RIC1: variants seen among roughly 807,000 people sequenced by gnomAD.
RIC1 encodes RIC1 partner of RAB6A GEF complex.
Under a neutral mutation model 169.0 loss-of-function variants are expected in RIC1, and 88 were observed. The observed-to-expected ratio is 0.52, with a 90% CI of 0.44 to 0.62. RIC1 has a LOEUF of 0.62. Among genes scored for constraint, RIC1 ranks in the 20% least tolerant of loss-of-function variants. RIC1 has a pLI of 0.00. For synonymous variants in RIC1, 790 were observed against 601.5 expected (o/e 1.31, Z -4.59); for missense variants, 1,877 against 1,725.5 (o/e 1.09, Z -1.56).
At chr9:5,725,491 G>A (rs4740824) in intron 6 of RIC1, among the ~76,000 whole-genome samples, 65,299 of 151,832 alleles carry the variant, frequency 0.43, 15,302 homozygotes, top group East Asian at 0.85. Flanking sequence ...AATTTCGTCA[G>A]TCTTTTCAAA....
intron 12 of RIC1, among the ~76,000 whole-genome samples, chr9:5,749,304 C>T (rs1825581406): frequency 6.6e-6 from 1 of 152,196 alleles, no homozygotes; most frequent in African/African-American, 2.4e-5. Flanking sequence ...CCCTGTATTT[C>T]GCTGGCACTC....
intron 3 of RIC1, among the ~76,000 whole-genome samples, chr9:5,700,260 G>A (rs1822135496): frequency 6.6e-6 from 1 of 152,082 alleles, no homozygotes; most frequent in South Asian, 2.1e-4. Context: ...ATCTCAAATA[G>A]ATAGAAATTT....
At chr9:5,778,500 A>AAAT (rs375222283), downstream of RIC1, among the ~76,000 whole-genome samples, 8 of 152,278 alleles carry the variant, frequency 5.3e-5, no homozygotes, top group East Asian at 1.5e-3. Context: ...ATCACTAATT[A>AAAT]TGATGCTAGC....
At chr9:5,754,749 G>C in intron 14 of RIC1, 92 bp from the exon 15 acceptor site, 1 of 725,568 alleles carries the variant, frequency 1.4e-6, no homozygotes, top group Non-Finnish European at 2.2e-6. Context: ...AATAATTTGA[G>C]CTTTGTCTGG....
intron 2 of RIC1, among the ~76,000 whole-genome samples, chr9:5,666,541 T>G (rs1485502160): frequency 6.6e-6 from 1 of 152,200 alleles, no homozygotes; most frequent in African/African-American, 2.4e-5. Context: ...ATGGTCTTTA[T>G]TATGTTGAGG....
Position 5,774,048 on chromosome 9 carries a change from C to T in RIC1, c.4074C>T (p.Phe1358=), listed in dbSNP as rs1160250462. Residue 1358 remains phenylalanine (F), a synonymous_variant, in exon 26 of 26, where the codon TTC becomes TTT. Coordinates refer to ENST00000414202, the MANE Select transcript of RIC1 (RefSeq NM_020829.4). ...ITEEQVQPDA[F]QPITMGKTPE... ...AAGAGCAGGTCCAGCCAGATGCCTT[C>T]CAACCAATAACTATGGGTAAGACTC... 6.2e-7 allele frequency: 1 copy of T among 1,614,056 alleles called. No individual in the cohort carries two copies. The highest frequency in any genetic ancestry group is 1.7e-5 in the Admixed American group (1 of 60,012).
At position 5,765,792 on chromosome 9, in the gene RIC1, G is replaced by T; in HGVS notation, c.3131G>T (p.Gly1044Val). The T allele has an allele frequency of 1.2e-6, 2 of 1,613,518 alleles. No individual in the cohort carries two copies. Among genetic ancestry groups the T allele is most frequent in the Non-Finnish European group, 1.7e-6 (2 of 1,179,840 alleles). ...CTAAGTATGCCATCTGGTCCCTCTG[G>T]AAAAAGGTAAAATAATAAAGAGCCA... Reference protein sequence around the residue: ...KTLSMPSGPSGKRWSKDSDCA... With the variant: ...KTLSMPSGPSVKRWSKDSDCA... The change falls in exon 21 of 26, where the codon GGA becomes GTA. Residue 1044 changes from glycine to valine, a missense_variant. This residue lies in a region of RIC1 where 681 missense variants were observed against 582.0 expected (regional missense o/e 1.17). Transcript: ENST00000414202.
rs984750318 is a variant in RIC1 at position 5,652,094 on chromosome 9, G to A, written c.145-4489G>A. On this transcript the variant is annotated intron_variant, in intron 1 of 25. Coordinates refer to ENST00000414202, the MANE Select transcript of RIC1 (RefSeq NM_020829.4). ...TATTTGCTTTTATTGCCAGTACCAT[G>A]GTGTTTTGGTTAATACAGCTTTGTA... 3.3e-5 allele frequency among the ~76,000 whole-genome samples: 5 copies of A among 150,036 alleles called. No individual in the cohort carries two copies. The South Asian group carries it at 6.2e-4, about 19-fold the overall frequency.
Position 5,763,283 on chromosome 9 carries a change from C to A in RIC1, c.2256C>A (p.Leu752=), listed in dbSNP as rs757229038. Residue 752 remains leucine (L), a synonymous_variant, in exon 19 of 26, where the codon CTC becomes CTA. Transcript: ENST00000414202. The surrounding 1 kb of genome is among the most constrained non-coding windows in gnomAD (Gnocchi z 5.2). ...GGAGMKVWLP[L]FPRDHRKPHS... Reference sequence around the variant, plus strand: ...CAGGGATGAAAGTTTGGCTCCCTCTCTTCCCTAGGGATCACCGCAAGCCCC... The same window carrying A: ...CAGGGATGAAAGTTTGGCTCCCTCTATTCCCTAGGGATCACCGCAAGCCCC... 7.4e-6 allele frequency: 12 copies of A among 1,614,068 alleles called. No homozygotes were observed. In the South Asian group the frequency reaches 1.2e-4, roughly 16 times the overall value.
At chr9:5,714,143 C>T in intron 4 of RIC1, 140 bp downstream of exon 4, 1 of 484,096 alleles carries the variant, frequency 2.1e-6, no homozygotes, top group Non-Finnish European at 3.6e-6. Context: ...TTGATTAACC[C>T]TTATAAGACA....
At chr9:5,699,465 T>A (rs1822093868) in intron 3 of RIC1, among the ~76,000 whole-genome samples, 1 of 152,006 alleles carries the variant, frequency 6.6e-6, no homozygotes, top group Non-Finnish European at 1.5e-5. Context: ...CTTTCTTAAA[T>A]GTATGTATAG....
intron 1 of RIC1, among the ~76,000 whole-genome samples, chr9:5,647,936 G>GGGTGGTGGTGGT (rs77165192): frequency 4.5e-4 from 55 of 121,218 alleles, no homozygotes; most frequent in South Asian, 1.6e-3. Flanking sequence ...GTGTGGGGGT[G>GGGTGGTGGTGGT]GGTGGTGGTG....
intron 1 of RIC1, among the ~76,000 whole-genome samples, chr9:5,646,312 C>T (rs1053973286): frequency 3.3e-5 from 5 of 151,912 alleles, no homozygotes; most frequent in Non-Finnish European, 7.4e-5. Flanking sequence ...GGGTATAATC[C>T]TTTATCAGAT....
intron 3 of RIC1, among the ~76,000 whole-genome samples, chr9:5,693,218 C>G (rs988636335): frequency 2.0e-4 from 31 of 152,204 alleles, no homozygotes; most frequent in Non-Finnish European, 4.0e-4. Flanking sequence ...ATACTATTGT[C>G]TCTCGTTTCT....
In RIC1 at chr9:5,629,165, C is replaced by G. The variant is rs1299677886; in HGVS notation, c.-145C>G. On this transcript the variant is annotated 5_prime_UTR_variant, in exon 1 of 26. Coordinates refer to ENST00000414202, the MANE Select transcript of RIC1 (RefSeq NM_020829.4). ...TCGCGCAGCCTTGCGTCGGCCCGGC[C>G]CGGCCAGGCCAGCGGGCAGATGCCC... The G allele has an allele frequency of 1.3e-6, 1 of 774,136 alleles. No individual in the cohort carries two copies. The highest frequency in any genetic ancestry group is 1.8e-6 in the Non-Finnish European group (1 of 568,760). The allele number at this position is 774,136 out of a possible 1,614,324, so 48.0% of individuals were successfully genotyped here.
intron 21 of RIC1, among the ~76,000 whole-genome samples, chr9:5,766,801 A>G (rs563135053): frequency 3.3e-5 from 5 of 152,324 alleles, no homozygotes; most frequent in South Asian, 2.1e-4. Flanking sequence ...CTGTGCTGCT[A>G]TAAACGTGTG....
At chr9:5,686,029 C>G (rs1821199152) in intron 2 of RIC1, among the ~76,000 whole-genome samples, 1 of 151,930 alleles carries the variant, frequency 6.6e-6, no homozygotes, top group Non-Finnish European at 1.5e-5. Flanking sequence ...TGAAAAAATG[C>G]TCATCATCAC....
At chr9:5,661,364 C>A (rs1406669924) in intron 2 of RIC1, among the ~76,000 whole-genome samples, 1 of 151,874 alleles carries the variant, frequency 6.6e-6, no homozygotes, top group African/African-American at 2.4e-5. Flanking sequence ...TTTCTAATTC[C>A]GTGAAGAATG....
intron 4 of RIC1, chr9:5,719,118 C>T (rs1005212469): frequency 6.6e-6 from 1 of 152,058 alleles, no homozygotes; most frequent in Admixed American, 6.5e-5. Context: ...ACTTTGAACA[C>T]TCTTTCTTAA....
Sources: allele counts gnomAD v4.1 joint callset (sites outside exome capture counted in the v4.1 genomes callset), GRCh38; gene constraint gnomAD v4.1.1; regional missense constraint gnomAD v4.1.1; non-coding constraint Gnocchi (gnomAD v3.1); transcripts MANE v1.5; gene names NCBI Gene and HGNC (gene_info 2026-07-23, HGNC 2026-07-21).